ESCO1: variants seen among roughly 807,000 people sequenced by gnomAD.
ESCO1 encodes the protein establishment of sister chromatid cohesion N-acetyltransferase 1.
In ESCO1, 33 loss-of-function variants were observed where a neutral mutation model predicts 83.5. The ratio of observed to expected loss-of-function variants is 0.40; its 90% CI spans 0.30 to 0.53. ESCO1 has a LOEUF of 0.53. Ranked by LOEUF, ESCO1 falls within the 20% of genes least tolerant of loss-of-function variation. The probability of loss-of-function intolerance (pLI) is 0.63; values close to 1 mark genes in which losing one functional copy is unlikely to be tolerated. For synonymous variants in ESCO1, 332 were observed against 324.3 expected (o/e 1.02, Z -0.25); for missense variants, 855 against 968.0 (o/e 0.88, Z 1.55).
intron 8 of ESCO1, among the ~76,000 whole-genome samples, chr18:21,550,233 G>A (rs762765302): frequency 2.0e-5 from 3 of 152,094 alleles, no homozygotes. Flanking sequence ...TCAACTTAAC[G>A]TAATTGGGAG....
intron 8 of ESCO1, among the ~76,000 whole-genome samples, chr18:21,556,937 G>C (rs2038120965): frequency 6.6e-6 from 1 of 152,242 alleles, no homozygotes; most frequent in Admixed American, 6.5e-5. Context: ...CTGATCTCAA[G>C]TGATCCACCC....
chr18:21,595,497 G>A (rs183578074), intron 1 of ESCO1, among the ~76,000 whole-genome samples: 400 of 150,452 alleles, frequency 2.7e-3, no homozygotes, highest in Middle Eastern at 0.014. Flanking sequence ...GTGAAACCCC[G>A]TCTCTACTAA....
At chr18:21,555,935 G>C (rs995874194) in intron 8 of ESCO1, among the ~76,000 whole-genome samples, 1 of 152,044 alleles carries the variant, frequency 6.6e-6, no homozygotes, top group African/African-American at 2.4e-5. Flanking sequence ...ATTCCAGCCT[G>C]GGCAACACAG....
At chr18:21,599,063 C>T (rs1436702347) in intron 1 of ESCO1, among the ~76,000 whole-genome samples, 1 of 152,020 alleles carries the variant, frequency 6.6e-6, no homozygotes, top group Non-Finnish European at 1.5e-5. Context: ...AAAAATTCAC[C>T]AGGCACAGTG....
In ESCO1 at chr18:21,563,025, C is replaced by T. The variant is rs925624369; in HGVS notation, c.1821+1178G>A. Among the ~76,000 whole-genome samples the T allele has an allele frequency of 1.3e-4, 20 of 151,560 alleles. No individual in the cohort carries two copies. In the Admixed American group the frequency reaches 1.3e-3, roughly 10 times the overall value. On this transcript the variant is annotated intron_variant, in intron 7 of 11. Transcript: ENST00000269214. ...CAGCTGGGATTATAGGAACGAATCA[C>T]CACGCCCAGCTAATTTTGTATTTTT... is the stretch of plus-strand genomic sequence containing the variant.
At chr18:21,598,018 A>G (rs1021397378) in intron 1 of ESCO1, among the ~76,000 whole-genome samples, 3 of 152,204 alleles carry the variant, frequency 2.0e-5, no homozygotes, top group African/African-American at 7.2e-5. Flanking sequence ...CCACAGAAAA[A>G]TATGAAAGTC....
chr18:21,574,739 T>C lies in ESCO1; in HGVS notation c.105A>G (p.Leu35=). 1.9e-6 allele frequency: 3 copies of C among 1,610,660 alleles called. No individual in the cohort carries two copies. The highest frequency in any genetic ancestry group is 2.5e-6 in the Non-Finnish European group (3 of 1,179,898). Reference sequence around the variant, plus strand: ...TCTCCTTTGGACCTGATTTTTTTGCTAGATTCTTTTGAGAATCCTGAATTT... The same window carrying C: ...TCTCCTTTGGACCTGATTTTTTTGCCAGATTCTTTTGAGAATCCTGAATTT... The part of the protein sequence containing the change: ...ETEIQDSQKN[L]AKKSGPKETI... Residue 35 remains leucine (L), a synonymous_variant, in exon 4 of 12, where the codon CTA becomes CTG. Coordinates refer to ENST00000269214, the MANE Select transcript of ESCO1 (RefSeq NM_052911.3).
At chr18:21,538,469 T>C (rs2037864456) in intron 9 of ESCO1, among the ~76,000 whole-genome samples, 1 of 152,160 alleles carries the variant, frequency 6.6e-6, no homozygotes, top group African/African-American at 2.4e-5. Context: ...TGGGCATGTT[T>C]ACATGTCACT....
chr18:21,587,159 G>A (rs185755786), intron 1 of ESCO1, among the ~76,000 whole-genome samples: 71 of 152,266 alleles, frequency 4.7e-4, no homozygotes, highest in Non-Finnish European at 3.7e-4. Flanking sequence ...TTGAGGATTT[G>A]TGTGGACATA....
intron 8 of ESCO1, among the ~76,000 whole-genome samples, chr18:21,558,088 G>A (rs948432126): frequency 2.0e-5 from 3 of 150,498 alleles, no homozygotes; most frequent in East Asian, 1.9e-4. Context: ...GAGCTCAAGC[G>A]ATCCTCCCAC....
intron 2 of ESCO1, among the ~76,000 whole-genome samples, chr18:21,579,794 G>GCGCGCGCA (rs1192534759): frequency 1.5e-3 from 56 of 37,166 alleles, no homozygotes; most frequent in African/African-American, 3.0e-3. Flanking sequence ...ACGCGCGCGC[G>GCGCGCGCA]CACACACACA....
chr18:21,545,858 A>C (rs1359720386), intron 8 of ESCO1, among the ~76,000 whole-genome samples: 1 of 152,184 alleles, frequency 6.6e-6, no homozygotes, highest in African/African-American at 2.4e-5. Context: ...TGAACCCAGG[A>C]GGCGGAGGCT....
intron 8 of ESCO1, 152 bp from the exon 9 acceptor site, chr18:21,540,161 C>G: frequency 1.4e-6 from 1 of 714,286 alleles, no homozygotes; most frequent in South Asian, 2.4e-5. Context: ...CTTAATAAAG[C>G]ATGATAAATC....
rs2038399557 is a variant in ESCO1 at position 21,574,889 on chromosome 18, T to G, written c.-46A>C. On this transcript the variant is annotated 5_prime_UTR_variant, in exon 4 of 12. Transcript: ENST00000269214. The stretch of plus-strand genomic sequence containing the variant: ...TTCTGAGTAGTTTTGAAGAGGATTT[T>G]TGTGTCCTGGTAGGCGTGAATGCTG... 6.8e-7 allele frequency: 1 copy of G among 1,479,086 alleles called. No individual in the cohort carries two copies. The highest frequency in any genetic ancestry group is 1.4e-5 in the African/African-American group (1 of 71,158). The allele number at this position is 1,479,086 out of a possible 1,614,324, so 91.6% of individuals were successfully genotyped here. A position where few individuals can be genotyped will look rare whatever the true frequency, so the allele number is the denominator to read the frequency against.
chr18:21,539,069 T>C (rs1190972019), intron 9 of ESCO1, among the ~76,000 whole-genome samples: 1 of 151,970 alleles, frequency 6.6e-6, no homozygotes, highest in African/African-American at 2.4e-5. Context: ...TGCCTCACAC[T>C]AGATAAAATA....
At position 21,529,877 on chromosome 18, in the gene ESCO1, T is replaced by A. The variant is rs1379539595; in HGVS notation, c.*466A>T. The A allele has an allele frequency of 6.5e-6, 1 of 152,796 alleles. No homozygotes were observed. The highest frequency in any genetic ancestry group is 1.5e-5 in the Non-Finnish European group (1 of 68,162). 9.5% of individuals were successfully genotyped at this position (152,796 alleles called of 1,614,324 possible). ...TTCCAAAACACTTAATATTGCACCCTCCTTGAACAATAACTAAAAAAATTG... is the reference window on the plus strand; with the variant it reads ...TTCCAAAACACTTAATATTGCACCCACCTTGAACAATAACTAAAAAAATTG... On this transcript the variant is annotated 3_prime_UTR_variant, in exon 12 of 12. Coordinates refer to ENST00000269214, the MANE Select transcript of ESCO1 (RefSeq NM_052911.3).
At chr18:21,547,139 A>T (rs1027269334) in intron 8 of ESCO1, among the ~76,000 whole-genome samples, 5 of 152,202 alleles carry the variant, frequency 3.3e-5, no homozygotes, top group African/African-American at 1.2e-4. Flanking sequence ...TCTATGCTCT[A>T]TATAATACCC....
chr18:21,549,645 T>C (rs2146186048), intron 8 of ESCO1, among the ~76,000 whole-genome samples: 1 of 152,180 alleles, frequency 6.6e-6, no homozygotes, highest in African/African-American at 2.4e-5. Flanking sequence ...AATGTATGTA[T>C]TTGGGAGTTT....
intron 8 of ESCO1, among the ~76,000 whole-genome samples, chr18:21,555,701 G>T (rs1236743490): frequency 1.3e-5 from 2 of 152,090 alleles, no homozygotes; most frequent in Non-Finnish European, 2.9e-5. Flanking sequence ...GCTCAGGATG[G>T]TGAGGCAGGA....
Sources: allele counts gnomAD v4.1 joint callset (sites outside exome capture counted in the v4.1 genomes callset), GRCh38; gene constraint gnomAD v4.1.1; transcripts MANE v1.5; gene names NCBI Gene and HGNC (gene_info 2026-07-23, HGNC 2026-07-21).